TENM2: variants seen among roughly 807,000 people sequenced by gnomAD.
The protein encoded by TENM2 is teneurin transmembrane protein 2.
Under a neutral mutation model 245.2 loss-of-function variants are expected in TENM2, and 52 were observed. The observed-to-expected ratio is 0.21, with a 90% CI of 0.17 to 0.27. The LOEUF (loss-of-function observed/expected upper bound fraction) is 0.27. Among genes scored for constraint, TENM2 ranks in the 10% least tolerant of loss-of-function variants. The pLI is 1.00. For missense variants in TENM2, 3,046 were observed against 3,666.8 expected, an observed-to-expected ratio of 0.83 and a Z score of 4.37; for synonymous variants, 1,363 against 1,438.9, an observed-to-expected ratio of 0.95 and a Z score of 1.19.
intron 2 of TENM2, among the ~76,000 whole-genome samples, chr5:167,416,388 T>C (rs1338461117): frequency 6.6e-6 from 1 of 152,196 alleles, no homozygotes; most frequent in Non-Finnish European, 1.5e-5. Context: ...TTTACAGCAA[T>C]CCTGAAAACA....
chr5:167,931,670 C>T (rs1414684718), intron 3 of TENM2, among the ~76,000 whole-genome samples: 6 of 151,742 alleles, frequency 4.0e-5, no homozygotes, highest in South Asian at 2.1e-4. Flanking sequence ...TATAGCGAAA[C>T]GTGTCAAGAG....
At chr5:167,067,793 T>C in the TENM2 span, among the ~76,000 whole-genome samples, 1 of 152,170 alleles carries the variant, frequency 6.6e-6, no homozygotes, top group South Asian at 2.1e-4. Context: ...TCCTGAGGGA[T>C]GTTTCAGGAG....
intron 5 of TENM2, among the ~76,000 whole-genome samples, chr5:168,027,309 G>A (rs1007784471): frequency 3.3e-5 from 5 of 152,200 alleles, no homozygotes; most frequent in East Asian, 1.9e-4. Flanking sequence ...TTTCCCAGAA[G>A]AGGAAATGCA....
At position 168,255,935 on chromosome 5, in the gene TENM2, A is replaced by T. The variant is rs555816701; in HGVS notation, c.7433-4348A>T. On this transcript the variant is annotated intron_variant, in intron 27 of 28. Transcript: ENST00000518659. ...GTTTTCCTGCCTCGGCCTCCTGAGT[A>T]GCTGGGATTACAGGCAGGCGCCACC... 1.3e-3 allele frequency among the ~76,000 whole-genome samples: 200 copies of T among 151,436 alleles called. 2 individuals are homozygous for T. Among genetic ancestry groups the T allele is most frequent in the African/African-American group, 4.8e-3 (196 of 41,206 alleles).
At chr5:168,242,172 C>G (rs530610977) in intron 25 of TENM2, among the ~76,000 whole-genome samples, 52 of 152,290 alleles carry the variant, frequency 3.4e-4, no homozygotes, top group South Asian at 1.0e-3. Flanking sequence ...CCCAGAAGAC[C>G]AGCCAACAAC....
intron 2 of TENM2, among the ~76,000 whole-genome samples, chr5:167,809,944 C>G (rs779571958): frequency 6.6e-6 from 1 of 152,060 alleles, no homozygotes; most frequent in Non-Finnish European, 1.5e-5. Flanking sequence ...TTGCTCCAGT[C>G]AATAGAGATT....
At chr5:167,489,031 C>A (rs983093508) in intron 2 of TENM2, among the ~76,000 whole-genome samples, 2 of 152,172 alleles carry the variant, frequency 1.3e-5, no homozygotes, top group East Asian at 3.9e-4. Context: ...ACCGCTGCCA[C>A]GTCCACTGCT....
At chr5:168,215,298 C>T in intron 21 of TENM2, 26 bp downstream of exon 23, 1 of 1,591,528 alleles carries the variant, frequency 6.3e-7, no homozygotes, top group Non-Finnish European at 8.6e-7. Context: ...GAAGAGTCTC[C>T]CGCCCCAGAT....
chr5:168,179,517 A>G (rs1759667105), intron 13 of TENM2, among the ~76,000 whole-genome samples: 1 of 152,358 alleles, frequency 6.6e-6, no homozygotes, highest in African/African-American at 2.4e-5. Flanking sequence ...TGTACTAGGT[A>G]TGTAAATGGT....
intron 28 of TENM2, among the ~76,000 whole-genome samples, chr5:168,261,827 C>G (rs1768214100): frequency 6.6e-6 from 1 of 152,200 alleles, no homozygotes; most frequent in Admixed American, 6.5e-5. Flanking sequence ...GGACAGACCA[C>G]ACCATCAGAG....
At chr5:166,993,858 G>A in the TENM2 span, among the ~76,000 whole-genome samples, 2 of 152,030 alleles carry the variant, frequency 1.3e-5, no homozygotes, top group African/African-American at 2.4e-5. Flanking sequence ...CGGCTCAAAG[G>A]AAGCATGCTT....
the TENM2 span, among the ~76,000 whole-genome samples, chr5:167,032,981 A>T: frequency 4.6e-5 from 7 of 152,140 alleles, no homozygotes; most frequent in African/African-American, 1.7e-4. Context: ...CAGCTCAAAA[A>T]TTAAGGTGTA....
chr5:167,565,433 G>A (rs1338650636), intron 2 of TENM2, among the ~76,000 whole-genome samples: 1 of 152,178 alleles, frequency 6.6e-6, no homozygotes, highest in Non-Finnish European at 1.5e-5. Context: ...GAGGTGAGCT[G>A]CATTAATTCT....
intron 2 of TENM2, among the ~76,000 whole-genome samples, chr5:167,707,024 A>G (rs1758580710): frequency 6.6e-6 from 1 of 151,094 alleles, no homozygotes; most frequent in African/African-American, 2.4e-5. Flanking sequence ...AAAAAAAAAA[A>G]AAAAAAAAAA....
At position 168,020,301 on chromosome 5, in the gene TENM2, T is replaced by C. The variant is rs1786027995; in HGVS notation, c.1186+27119T>C. Among the ~76,000 whole-genome samples, 3 of 152,152 alleles carry C rather than the reference T, an allele frequency of 2.0e-5. No individual in the cohort carries two copies. In the South Asian group the frequency reaches 6.2e-4, roughly 32 times the overall value. On this transcript the variant is annotated intron_variant, in intron 5 of 28. Transcript: ENST00000518659. ...ATTCTCCAGAGATAAGAAAGAAGGA[T>C]TCTCCAAAACCCAGACCCTTAGACC...
chr5:168,193,173 G>A (rs189472454), intron 14 of TENM2, among the ~76,000 whole-genome samples: 1 of 152,280 alleles, frequency 6.6e-6, no homozygotes, highest in Non-Finnish European at 1.5e-5. Flanking sequence ...CAGGCTCTCC[G>A]GCTGTCTGCA....
the TENM2 span, among the ~76,000 whole-genome samples, chr5:167,180,200 C>T: frequency 6.6e-6 from 1 of 150,474 alleles, no homozygotes; most frequent in Non-Finnish European, 1.5e-5. Context: ...ACGTCCGCCT[C>T]CCGGATTCAA....
chr5:167,257,662 A>C, the TENM2 span, among the ~76,000 whole-genome samples: 74 of 152,200 alleles, frequency 4.9e-4, no homozygotes, highest in Non-Finnish European at 8.4e-4. Context: ...AAAACCCCCA[A>C]AAGCTTTGCA....
chr5:167,964,374 A>T (rs988195495), intron 4 of TENM2, among the ~76,000 whole-genome samples: 6 of 152,216 alleles, frequency 3.9e-5, no homozygotes, highest in Non-Finnish European at 7.3e-5. Context: ...CTTCTCTCTG[A>T]GTTCACTTTT....
Sources: allele counts gnomAD v4.1 joint callset (sites outside exome capture counted in the v4.1 genomes callset), GRCh38; gene constraint gnomAD v4.1.1; transcripts MANE v1.5; gene names NCBI Gene and HGNC (gene_info 2026-07-23, HGNC 2026-07-21).